The following DNAJB9 variants were observed in gnomAD, a reference collection of about 807,000 sequenced individuals.
DNAJB9 encodes the protein dnaJ homolog subfamily B member 9.
DNAJB9 carries 12 observed loss-of-function variants against 19.2 expected under a neutral mutation model. The ratio of observed to expected loss-of-function variants is 0.62; its 90% CI spans 0.40 to 1.01. DNAJB9 has a LOEUF of 1.01. Among genes scored for constraint, DNAJB9 ranks in the 50% least tolerant of loss-of-function variants. The pLI is 0.00. For synonymous variants in DNAJB9, 83 were observed against 84.0 expected (o/e 0.99, Z 0.07); for missense variants, 272 against 261.1 (o/e 1.04, Z -0.29).
rs748110382 is a variant in DNAJB9 at position 108,573,242 on chromosome 7, G to T, written c.561G>T (p.Gln187His). 3.7e-6 allele frequency: 6 copies of T among 1,613,984 alleles called. No individual in the cohort carries two copies. In the Middle Eastern group the frequency reaches 8.2e-4, roughly 222 times the overall value. ...FSFSGFDSTN[Q>H]HTVQTENRFH... is the part of the protein sequence containing the mutation. Reference sequence around the variant, plus strand: ...TTAGTGGTTTTGACTCTACCAATCAGCATACAGTACAGACTGAAAATAGAT... The same window carrying T: ...TTAGTGGTTTTGACTCTACCAATCATCATACAGTACAGACTGAAAATAGAT... The change falls in exon 3 of 3, where the codon CAG (glutamine) becomes CAT (histidine). Residue 187 changes from glutamine (Q) to histidine (H), a missense_variant. By Grantham distance (24) the Gln-to-His change is conservative. Transcript: ENST00000249356.
chr7:108,573,315 A>C lies in DNAJB9; in HGVS notation c.634A>C (p.Asn212His). 1.2e-6 allele frequency: 2 copies of C among 1,607,626 alleles called. No homozygotes were observed. The highest frequency in any genetic ancestry group is 1.7e-5 in the Admixed American group (1 of 59,224). ...CAGGACTGTCACTCAACGAAGAGGA[A>C]ATATGGTTACTACATACACTGACTG... ...HCRTVTQRRGNMVTTYTDCSG... is the reference protein window; with the variant it reads ...HCRTVTQRRGHMVTTYTDCSG... The change falls in exon 3 of 3, where the codon AAT becomes CAT. Residue 212 changes from asparagine to histidine, a missense_variant. Coordinates refer to ENST00000249356, the MANE Select transcript of DNAJB9 (RefSeq NM_012328.3).
Position 108,570,599 on chromosome 7 carries a change from A to T in DNAJB9, c.-11+496A>T, listed in dbSNP as rs2240451. ...CTGTCAGTTTTAGATCCGCCCTTTG[A>T]CTAGGGAGCAACCTGCAGTTGACGC... On this transcript the variant is annotated intron_variant, in intron 1 of 2. Coordinates refer to ENST00000249356, the MANE Select transcript of DNAJB9 (RefSeq NM_012328.3). 0.014 allele frequency among the ~76,000 whole-genome samples: 2,085 copies of T among 152,292 alleles called. 93 individuals are homozygous for T. In the East Asian group the frequency reaches 0.17, roughly 13 times the overall value.
chr7:108,570,206 C>T (rs909313190), intron 1 of DNAJB9, 103 bp downstream of exon 1: 1 of 152,824 alleles, frequency 6.5e-6, no homozygotes, highest in African/African-American at 2.4e-5. Flanking sequence ...GCCACGGTCG[C>T]CGCAGGGACA....
At position 108,573,035 on chromosome 7, in the gene DNAJB9, A is replaced by G. The variant is rs771425157; in HGVS notation, c.354A>G (p.Leu118=). The G allele has an allele frequency of 5.6e-6, 9 of 1,614,088 alleles. No individual in the cohort carries two copies. The Admixed American group carries it at 1.0e-4, about 18-fold the overall frequency. ...CATTTAACTTCAATTTTGATGACTTATTTAAAGACTTTGGCTTTTTTGGTC... is the reference window on the plus strand; with the variant it reads ...CATTTAACTTCAATTTTGATGACTTGTTTAAAGACTTTGGCTTTTTTGGTC... ...EQSFNFNFDD[L]FKDFGFFGQN... The change falls in exon 3 of 3, where the codon TTA becomes TTG. Residue 118 remains leucine, a synonymous_variant. Coordinates refer to ENST00000249356, the MANE Select transcript of DNAJB9 (RefSeq NM_012328.3).
rs957023548 is a variant in DNAJB9 at position 108,570,004 on chromosome 7, C to T, written c.-110C>T. 1.5e-5 allele frequency: 3 copies of T among 197,334 alleles called. No individual in the cohort carries two copies. The East Asian group carries it at 3.7e-4, about 24-fold the overall frequency. The allele number at this position is 197,334 out of a possible 1,614,324, so 12.2% of individuals were successfully genotyped here. Reference sequence around the variant, plus strand: ...TAGGGTGCGTGCCAGCTCCGGGAGGCCGCGGTGAGGGGCCGGGCCCAAGCT... The same window carrying T: ...TAGGGTGCGTGCCAGCTCCGGGAGGTCGCGGTGAGGGGCCGGGCCCAAGCT... On this transcript the variant is annotated 5_prime_UTR_variant, in exon 1 of 3. Transcript: ENST00000249356.
Position 108,571,996 on chromosome 7 carries a change from T to C in DNAJB9, c.217+53T>C, listed in dbSNP as rs1790628443. 2.6e-6 allele frequency: 4 copies of C among 1,559,580 alleles called. No homozygotes were observed. The South Asian group carries it at 4.5e-5, about 18-fold the overall frequency. On this transcript the variant is annotated intron_variant, in intron 2 of 2. Coordinates refer to ENST00000249356, the MANE Select transcript of DNAJB9 (RefSeq NM_012328.3). ...CATGGGTATTAACTAGTAAGGAGAATGATAGCTAAGAAGTGTTTGTATTTG... is the reference window on the plus strand; with the variant it reads ...CATGGGTATTAACTAGTAAGGAGAACGATAGCTAAGAAGTGTTTGTATTTG...
chr7:108,570,852 T>G (rs1790608306), intron 1 of DNAJB9, among the ~76,000 whole-genome samples: 1 of 152,164 alleles, frequency 6.6e-6, no homozygotes, highest in Admixed American at 6.5e-5. Context: ...GGTCCCGTAT[T>G]CAAAAAACAG....
chr7:108,569,896 C>T lies in DNAJB9; in HGVS notation c.-218C>T, dbSNP rs1041712620. 12 of 450,842 alleles carry T rather than the reference C, an allele frequency of 2.7e-5. No homozygotes were observed. Among genetic ancestry groups the T allele is most frequent in the African/African-American group, 2.0e-4 (10 of 50,838 alleles). The allele number at this position is 450,842 out of a possible 1,614,324, so 27.9% of individuals were successfully genotyped here. On this transcript the variant is annotated 5_prime_UTR_variant, in exon 1 of 3. Transcript: ENST00000249356. Reference sequence around the variant, plus strand: ...TCTGAGGTGGTGGCGCCAGCGGCTACCTCCTGCCTGTGAGGAGCTGGCTGA... The same window carrying T: ...TCTGAGGTGGTGGCGCCAGCGGCTATCTCCTGCCTGTGAGGAGCTGGCTGA...
Position 108,573,267 on chromosome 7 carries a change from T to G in DNAJB9, c.586T>G (p.Phe196Val). The change falls in exon 3 of 3, where the codon TTT (phenylalanine) becomes GTT (valine). Residue 196 changes from phenylalanine to valine, a missense_variant. Coordinates refer to ENST00000249356, the MANE Select transcript of DNAJB9 (RefSeq NM_012328.3). ...NQHTVQTENR[F>V]HGSSKHCRTV... ...GCATACAGTACAGACTGAAAATAGA[T>G]TTCATGGATCTAGCAAGCACTGCAG... 2 of 1,613,868 alleles carry G rather than the reference T, an allele frequency of 1.2e-6. No individual in the cohort carries two copies. Among genetic ancestry groups the G allele is most frequent in the Admixed American group, 1.7e-5 (1 of 59,994 alleles).
chr7:108,571,764 G>T lies in DNAJB9; in HGVS notation c.38G>T (p.Cys13Phe). The change falls in exon 2 of 3, where the codon TGC becomes TTC. Residue 13 changes from cysteine to phenylalanine, a missense_variant. Coordinates refer to ENST00000249356, the MANE Select transcript of DNAJB9 (RefSeq NM_012328.3). ...CAGTCAATTTTCATCTTTGCAATCT[G>T]CATTTTAATGATAACAGAATTAATT... ...TPQSIFIFAI[C>F]ILMITELILA... 1 of 1,613,964 alleles carries T rather than the reference G, an allele frequency of 6.2e-7. No individual in the cohort carries two copies. The highest frequency in any genetic ancestry group is 8.5e-7 in the Non-Finnish European group (1 of 1,179,984).
chr7:108,571,939 A>G lies in DNAJB9; in HGVS notation c.213A>G (p.Ala71=). 2.5e-6 allele frequency: 4 copies of G among 1,613,818 alleles called. No homozygotes were observed. Among genetic ancestry groups the G allele is most frequent in the Non-Finnish European group, 3.4e-6 (4 of 1,179,686 alleles). The change falls in exon 2 of 3, where the codon GCA becomes GCG. Residue 71 remains alanine, a synonymous_variant. Coordinates refer to ENST00000249356, the MANE Select transcript of DNAJB9 (RefSeq NM_012328.3). ...PDAEAKFREI[A]EAYETLSDAN... is the part of the protein sequence containing the mutation. ...CTGAAGCAAAATTCAGAGAGATTGC[A>G]GAAGGTAAATAAATGACAATCTCTG...
chr7:108,573,264 A>C lies in DNAJB9; in HGVS notation c.583A>C (p.Arg195=). Residue 195 remains arginine, a synonymous_variant, in exon 3 of 3, where the codon AGA becomes CGA. Transcript: ENST00000249356. ...TCAGCATACAGTACAGACTGAAAAT[A>C]GATTTCATGGATCTAGCAAGCACTG... is the stretch of plus-strand genomic sequence containing the variant. The part of the protein sequence containing the change: ...TNQHTVQTEN[R]FHGSSKHCRT... The C allele has an allele frequency of 6.2e-7, 1 of 1,613,892 alleles. No homozygotes were observed. Among genetic ancestry groups the C allele is most frequent in the East Asian group, 2.2e-5 (1 of 44,862 alleles).
At position 108,573,295 on chromosome 7, in the gene DNAJB9, C is replaced by G; in HGVS notation, c.614C>G (p.Thr205Ser). 6.2e-7 allele frequency: 1 copy of G among 1,611,338 alleles called. No homozygotes were observed. The highest frequency in any genetic ancestry group is 8.5e-7 in the Non-Finnish European group (1 of 1,178,806). ...CATGGATCTAGCAAGCACTGCAGGA[C>G]TGTCACTCAACGAAGAGGAAATATG... ...RFHGSSKHCRTVTQRRGNMVT... is the reference protein window; with the variant it reads ...RFHGSSKHCRSVTQRRGNMVT... Residue 205 changes from threonine to serine, a missense_variant, in exon 3 of 3, where the codon ACT (threonine) becomes AGT (serine). Coordinates refer to ENST00000249356, the MANE Select transcript of DNAJB9 (RefSeq NM_012328.3).
chr7:108,570,343 G>T (rs1790597192), intron 1 of DNAJB9, among the ~76,000 whole-genome samples: 1 of 152,096 alleles, frequency 6.6e-6, no homozygotes, highest in Non-Finnish European at 1.5e-5. Flanking sequence ...GGCAGCTTCT[G>T]CGGCGGGGCC....
chr7:108,570,345 G>A (rs1484136120), intron 1 of DNAJB9, among the ~76,000 whole-genome samples: 1 of 152,102 alleles, frequency 6.6e-6, no homozygotes, highest in Non-Finnish European at 1.5e-5. Context: ...CAGCTTCTGC[G>A]GCGGGGCCTG....
rs1790645027 is a variant in DNAJB9 at position 108,573,100 on chromosome 7, A to G, written c.419A>G (p.His140Arg). Residue 140 changes from histidine (H) to arginine (R), a missense_variant, in exon 3 of 3, where the codon CAT becomes CGT. Physicochemically the swap from His to Arg is conservative, Grantham distance 29. Transcript: ENST00000249356. ...GGATCCAAGAAGCGTTTTGAAAATC[A>G]TTTCCAGACACGCCAGGATGGTGGT... ...NTGSKKRFEN[H>R]FQTRQDGGSS... 2 of 1,614,112 alleles carry G rather than the reference A, an allele frequency of 1.2e-6. No individual in the cohort carries two copies. Among genetic ancestry groups the G allele is most frequent in the East Asian group, 2.2e-5 (1 of 44,870 alleles).
Position 108,573,028 on chromosome 7 carries a change from A to G in DNAJB9, c.347A>G (p.Asp116Gly). The change falls in exon 3 of 3, where the codon GAT (aspartate) becomes GGT (glycine). Residue 116 changes from aspartate to glycine, a missense_variant. Physicochemically the swap from Asp to Gly is moderately conservative, Grantham distance 94. Coordinates refer to ENST00000249356, the MANE Select transcript of DNAJB9 (RefSeq NM_012328.3). ...GAGCAGTCATTTAACTTCAATTTTG[A>G]TGACTTATTTAAAGACTTTGGCTTT... ...SFEQSFNFNF[D>G]DLFKDFGFFG... 1 of 1,614,040 alleles carries G rather than the reference A, an allele frequency of 6.2e-7. No individual in the cohort carries two copies. The highest frequency in any genetic ancestry group is 2.2e-5 in the East Asian group (1 of 44,868).
chr7:108,574,388 A>G lies in DNAJB9; in HGVS notation c.*1035A>G, dbSNP rs555294355. ...AACATTGTATGTGAGAGAAATATAA[A>G]TATTTACAACCTGATATTCGTTGTT... On this transcript the variant is annotated 3_prime_UTR_variant, in exon 3 of 3. Transcript: ENST00000249356. 2 of 152,718 alleles carry G rather than the reference A, an allele frequency of 1.3e-5. No homozygotes were observed. Among genetic ancestry groups the G allele is most frequent in the Admixed American group, 1.3e-4 (2 of 15,300 alleles). The allele number at this position is 152,718 out of a possible 1,614,324, so 9.5% of individuals were successfully genotyped here.
chr7:108,571,082 A>G (rs1790612239), intron 1 of DNAJB9, among the ~76,000 whole-genome samples: 1 of 152,202 alleles, frequency 6.6e-6, no homozygotes, highest in Non-Finnish European at 1.5e-5. Flanking sequence ...TTTAAACAAT[A>G]TTTAGCCATG....
Sources: gnomAD v4.1 joint callset for allele counts (sites outside exome capture counted in the v4.1 genomes callset) on GRCh38, gnomAD v4.1.1 for gene constraint, MANE v1.5 for transcripts, NCBI Gene and HGNC (gene_info 2026-07-23, HGNC 2026-07-21) for gene names.